Variants in F8 observed in about 807,000 individuals in gnomAD.
F8 encodes the protein antihemophilic factor.
F8 carries 12 observed loss-of-function variants against 140.6 expected under a neutral mutation model. That is an observed-to-expected ratio of 0.09 (90% confidence interval 0.05 to 0.14). The LOEUF is 0.14. Among genes scored for constraint, F8 ranks in the 10% least tolerant of loss-of-function variants. The pLI is 1.00. For missense variants in F8, 1,354 were observed against 1,720.7 expected, an observed-to-expected ratio of 0.79 and a Z score of 3.77; for synonymous variants, 585 against 614.6, an observed-to-expected ratio of 0.95 and a Z score of 0.71.
At chrX:154,876,821 G>GT (rs1271210067) in intron 22 of F8, among the ~76,000 whole-genome samples, 1 of 111,238 alleles carries the variant, frequency 9.0e-6, no homozygotes. Context: ...TACCTCCTGC[G>GT]TAAGTGGGTA....
At chrX:154,968,902 G>A (rs782020903) in intron 7 of F8, among the ~76,000 whole-genome samples, 2 of 109,119 alleles carry the variant, frequency 1.8e-5, no homozygotes, top group African/African-American at 6.7e-5. Flanking sequence ...CCTTACAGTT[G>A]CAATCTGGAC....
At chrX:154,993,211 A>C in intron 3 of F8, 63 bp from the exon 4 acceptor site, 4 of 938,506 alleles carry the variant, frequency 4.3e-6, no homozygotes, top group African/African-American at 1.9e-5. Flanking sequence ...GAAACATGTC[A>C]AGTTTATTGT....
In F8 at chrX:155,020,986, A is replaced by G. The variant is rs782267178; in HGVS notation, c.143+1424T>C. Among the ~76,000 whole-genome samples the G allele has an allele frequency of 4.5e-5, 5 of 112,322 alleles. No homozygotes were observed. In the East Asian group the frequency reaches 1.4e-3, roughly 31 times the overall value. ...TATTCCTCTTGCAAGTTTGTTCAAC[A>G]GAAGTAAAAGCACCAGTATGTAATG... On this transcript the variant is annotated intron_variant, in intron 1 of 25. Transcript: ENST00000360256.
chrX:154,838,477 A>G lies in F8; in HGVS notation c.6901-725T>C, dbSNP rs1393847621. ...TCCAGCCAAATGGTGAGAATAAGCA[A>G]GAGTCTTGGAGAAAAAGGAACAGAA... On this transcript the variant is annotated intron_variant, in intron 25 of 25. Coordinates refer to ENST00000360256, the MANE Select transcript of F8 (RefSeq NM_000132.4). Among the ~76,000 whole-genome samples the G allele has an allele frequency of 2.7e-5, 3 of 112,211 alleles. No individual in the cohort carries two copies. Among genetic ancestry groups the G allele is most frequent in the Non-Finnish European group, 5.6e-5 (3 of 53,185 alleles).
intron 21 of F8, chrX:154,898,052 G>C (rs189759532): frequency 1.8e-5 from 2 of 112,217 alleles, no homozygotes; most frequent in East Asian, 5.6e-4. Flanking sequence ...AGGTGGTAAT[G>C]AGTTTCACTG....
intron 14 of F8, among the ~76,000 whole-genome samples, chrX:154,910,791 T>G (rs781859699): frequency 7.4e-5 from 8 of 108,475 alleles, no homozygotes; most frequent in Admixed American, 3.9e-4. Flanking sequence ...AAAGAGGAAG[T>G]CCTCTTTGCA....
chrX:154,873,071 T>C lies in F8; in HGVS notation c.6430-9844A>G, dbSNP rs782447613. Among the ~76,000 whole-genome samples the C allele has an allele frequency of 1.8e-3, 199 of 111,666 alleles. 1 individual carries two copies. Among genetic ancestry groups the C allele is most frequent in the African/African-American group, 6.4e-3 (196 of 30,780 alleles). On this transcript the variant is annotated intron_variant, in intron 22 of 25. Transcript: ENST00000360256. The stretch of plus-strand genomic sequence containing the variant: ...ATAAAAGATATTCCATATTCCTAGA[T>C]TGGAAGAATTAGTATTGTTAAAATG...
chrX:154,876,149 T>C (rs2072811524), intron 22 of F8, among the ~76,000 whole-genome samples: 1 of 97,514 alleles, frequency 1.0e-5, no homozygotes, highest in Non-Finnish European at 2.0e-5. Flanking sequence ...AGACGGAGTC[T>C]CGCTCTGTCG....
chrX:154,997,279 G>A (rs960132778), intron 2 of F8, among the ~76,000 whole-genome samples, 184 bp from the exon 3 acceptor site: 6 of 112,278 alleles, frequency 5.3e-5, no homozygotes, highest in African/African-American at 1.9e-4. Flanking sequence ...AAGATTTCTG[G>A]CAATCATTCA....
At chrX:154,964,227 T>C (rs1401997161) in intron 9 of F8, among the ~76,000 whole-genome samples, 2 of 111,761 alleles carry the variant, frequency 1.8e-5, no homozygotes, top group Non-Finnish European at 3.8e-5. Context: ...TATTGCATGC[T>C]CTTGTTTATC....
intron 11 of F8, among the ~76,000 whole-genome samples, chrX:154,954,752 A>G (rs1272400580): frequency 8.9e-6 from 1 of 111,946 alleles, no homozygotes; most frequent in African/African-American, 3.3e-5. Flanking sequence ...AGGAGATTGG[A>G]GAATATAGAA....
At chrX:154,842,694 T>G (rs1557271412) in intron 25 of F8, among the ~76,000 whole-genome samples, 1 of 112,528 alleles carries the variant, frequency 8.9e-6, no homozygotes, top group Non-Finnish European at 1.9e-5. Flanking sequence ...TTTTATATTA[T>G]CTGAAATTTG....
At chrX:154,925,067 T>G (rs781909135) in intron 14 of F8, among the ~76,000 whole-genome samples, 19 of 112,492 alleles carry the variant, frequency 1.7e-4, no homozygotes, top group Non-Finnish European at 3.2e-4. Flanking sequence ...ATTCGGCTCC[T>G]CATTACTTAT....
chrX:154,985,906 G>A (rs1360958504), intron 5 of F8, among the ~76,000 whole-genome samples: 4 of 111,979 alleles, frequency 3.6e-5, no homozygotes, highest in Non-Finnish European at 5.6e-5. Context: ...TTGCTTGAAG[G>A]GAAAAAGATA....
At chrX:154,952,543 ATTTTT>A (rs782661825) in intron 12 of F8, among the ~76,000 whole-genome samples, 2 of 96,064 alleles carry the variant, frequency 2.1e-5, no homozygotes, top group African/African-American at 7.6e-5. Flanking sequence ...TTCGTTCAGG[ATTTTT>A]TTTTTTTTTT....
chrX:154,982,306 T>G (rs1227035325), intron 6 of F8, among the ~76,000 whole-genome samples: 30 of 101,740 alleles, frequency 2.9e-4, no homozygotes, highest in African/African-American at 6.6e-4. Flanking sequence ...AATTAGCCAG[T>G]CGAGGTGGCG....
rs781990590 is a variant in F8, at chrX:155,003,427, GA to G, written c.144-3828del. On this transcript the variant is annotated intron_variant, in intron 1 of 25. Transcript: ENST00000360256. ...TGAAAAGCAAAGAGAAAAAAAGACTGAAAAAAAAAAAAACACCAACAACAAC... is the reference window on the plus strand; with the variant it reads ...TGAAAAGCAAAGAGAAAAAAAGACTGAAAAAAAAAAAACACCAACAACAAC... Among the ~76,000 whole-genome samples the G allele has an allele frequency of 1.5e-3, 129 of 87,099 alleles. No homozygotes were observed. In the East Asian group the frequency reaches 0.015, roughly 10 times the overall value. 75.6% of individuals were successfully genotyped at this position (87,099 alleles called of 115,157 possible).
chrX:154,958,199 T>A (rs1415503084), intron 10 of F8, among the ~76,000 whole-genome samples: 2 of 111,606 alleles, frequency 1.8e-5, no homozygotes, highest in African/African-American at 3.3e-5. Flanking sequence ...CTTTCAGCTA[T>A]CCTTCTGCAA....
chrX:154,877,110 G>T (rs2072822566), intron 22 of F8, among the ~76,000 whole-genome samples: 1 of 111,993 alleles, frequency 8.9e-6, no homozygotes, highest in South Asian at 3.7e-4. Flanking sequence ...AATAAATGTT[G>T]ATCATTAACT....
Sources: gnomAD v4.1 joint callset for allele counts (sites outside exome capture counted in the v4.1 genomes callset) on GRCh38, gnomAD v4.1.1 for gene constraint, MANE v1.5 for transcripts, NCBI Gene and HGNC (gene_info 2026-07-23, HGNC 2026-07-21) for gene names.